The following SETDB2 variants were observed in gnomAD, a reference collection of about 807,000 sequenced individuals.
The protein encoded by SETDB2 is histone-lysine N-methyltransferase SETDB2.
SETDB2 carries 56 observed loss-of-function variants against 82.5 expected under a neutral mutation model. That is an observed-to-expected ratio of 0.68 (90% CI 0.55 to 0.85). The LOEUF (loss-of-function observed/expected upper bound fraction) is 0.85, where lower values mean the gene tolerates loss of function less well. Among genes scored for constraint, SETDB2 ranks in the 40% least tolerant of loss-of-function variants. SETDB2 has a pLI of 0.00. For missense variants in SETDB2, 677 were observed against 816.4 expected, an observed-to-expected ratio of 0.83 and a Z score of 2.08; for synonymous variants, 272 against 284.9, an observed-to-expected ratio of 0.95 and a Z score of 0.46.
In SETDB2 at chr13:49,485,953, T is replaced by A. The variant is rs192822869; in HGVS notation, c.1576+230T>A. 525 of 627,036 alleles carry A rather than the reference T, an allele frequency of 8.4e-4. 13 individuals carry two copies. The Admixed American group carries it at 0.014, about 17-fold the overall frequency. The allele number at this position is 627,036 out of a possible 1,614,324, so 38.8% of individuals were successfully genotyped here. On this transcript the variant is annotated intron_variant, in intron 11 of 13. Coordinates refer to ENST00000611815, the MANE Select transcript of SETDB2 (RefSeq NM_001160308.3). ...TAAGAATGATATTTATGTTTTTAAA[T>A]AGTTGAAAAAAATCAGAAGGTGATA...
chr13:49,449,927 TTGAA>T (rs1437399773), intron 1 of SETDB2, among the ~76,000 whole-genome samples: 1 of 152,226 alleles, frequency 6.6e-6, no homozygotes, highest in Non-Finnish European at 1.5e-5. Context: ...GAGTGACTCT[TTGAA>T]TGTCTGCAAA....
chr13:49,484,109 G>A (rs1371596074), intron 10 of SETDB2, among the ~76,000 whole-genome samples: 2 of 152,190 alleles, frequency 1.3e-5, no homozygotes, highest in African/African-American at 4.8e-5. Context: ...TTGGCTGTAT[G>A]AGGAGAATGC....
intron 4 of SETDB2, among the ~76,000 whole-genome samples, chr13:49,466,839 A>G (rs1453049181): frequency 2.5e-5 from 3 of 121,496 alleles, no homozygotes; most frequent in Non-Finnish European, 4.9e-5. Flanking sequence ...TTTCTGTCGT[A>G]GAGACAGGGC....
chr13:49,489,798 G>A (rs1425048316), intron 12 of SETDB2, among the ~76,000 whole-genome samples: 2 of 148,242 alleles, frequency 1.3e-5, no homozygotes, highest in Non-Finnish European at 3.0e-5. Flanking sequence ...ATTTCACCAT[G>A]TTGGTCAGGC....
At chr13:49,477,886 A>G (rs1309798873) in intron 6 of SETDB2, among the ~76,000 whole-genome samples, 1 of 152,240 alleles carries the variant, frequency 6.6e-6, no homozygotes, top group East Asian at 1.9e-4. Context: ...TCTTAATCAT[A>G]GAATAGTATT....
intron 12 of SETDB2, among the ~76,000 whole-genome samples, chr13:49,490,279 C>CAAAAA (rs60013535): frequency 0.056 from 4,647 of 82,536 alleles, 483 homozygotes; most frequent in Middle Eastern, 0.12. Context: ...GACTCCGTCT[C>CAAAAA]AAAAAAAAAA....
chr13:49,450,253 CCT>C (rs1391616935), intron 1 of SETDB2, among the ~76,000 whole-genome samples: 1 of 152,058 alleles, frequency 6.6e-6, no homozygotes, highest in African/African-American at 2.4e-5. Flanking sequence ...ATTATTGCCT[CCT>C]CTCCATTTTC....
rs920240443 is a variant in SETDB2, at chr13:49,485,576, C to T, written c.1483-54C>T. 2.1e-6 allele frequency: 3 copies of T among 1,432,104 alleles called. No individual in the cohort carries two copies. In the African/African-American group the frequency reaches 4.3e-5, roughly 20 times the overall value. The allele number at this position is 1,432,104 out of a possible 1,614,324, so 88.7% of individuals were successfully genotyped here. A position where few individuals can be genotyped will look rare whatever the true frequency, so the allele number is the denominator to read the frequency against. Reference sequence around the variant, plus strand: ...ACACTTGATGAAAGAGGCCTAACTGCTAAATACTTTTGCCTGACCTGGAAA... The same window carrying T: ...ACACTTGATGAAAGAGGCCTAACTGTTAAATACTTTTGCCTGACCTGGAAA... On this transcript the variant is annotated intron_variant, in intron 10 of 13. Transcript: ENST00000611815.
At chr13:49,459,530 T>A (rs114686232) in intron 2 of SETDB2, among the ~76,000 whole-genome samples, 2,456 of 152,322 alleles carry the variant, frequency 0.016, 66 homozygotes, top group African/African-American at 0.056. Flanking sequence ...TATAATTGTT[T>A]TTCTTATATT....
Position 49,444,653 on chromosome 13 carries a change from G to C in SETDB2, c.-546G>C, listed in dbSNP as rs1199599396. On this transcript the variant is annotated 5_prime_UTR_variant, in exon 1 of 14. Transcript: ENST00000611815. ...CAGCCTCCCTTCTCCTGGCACCCAA[G>C]TGCAGTCCTGGCTGCAGAAGGGGCC... The C allele has an allele frequency of 1.3e-5, 2 of 154,884 alleles. No individual in the cohort carries two copies. Among genetic ancestry groups the C allele is most frequent in the African/African-American group, 4.8e-5 (2 of 41,462 alleles). 9.6% of individuals were successfully genotyped at this position (154,884 alleles called of 1,614,324 possible). A position where few individuals can be genotyped will look rare whatever the true frequency, so the allele number is the denominator to read the frequency against.
chr13:49,491,245 C>A (rs1233450506), intron 13 of SETDB2, among the ~76,000 whole-genome samples: 1 of 152,046 alleles, frequency 6.6e-6, no homozygotes, highest in African/African-American at 2.4e-5. Context: ...ATACTATAGC[C>A]CCAAATATCT....
chr13:49,479,942 G>A (rs1189568922), intron 6 of SETDB2, among the ~76,000 whole-genome samples: 1 of 152,180 alleles, frequency 6.6e-6, no homozygotes, highest in Non-Finnish European at 1.5e-5. Flanking sequence ...GCTGAACAGG[G>A]AAATTAAAGG....
intron 7 of SETDB2, 68 bp downstream of exon 7, chr13:49,480,403 C>A: frequency 2.2e-6 from 2 of 900,494 alleles, no homozygotes; most frequent in Non-Finnish European, 3.4e-6. Context: ...TTATTGTGGT[C>A]CAAAATCTTA....
intron 4 of SETDB2, among the ~76,000 whole-genome samples, chr13:49,462,014 G>A (rs962385449): frequency 6.6e-6 from 1 of 152,284 alleles, no homozygotes; most frequent in Middle Eastern, 3.4e-3. Flanking sequence ...GGCAAAGTTG[G>A]GAAGGGCCTG....
Position 49,483,510 on chromosome 13 carries a change from A to G in SETDB2, c.1429A>G (p.Ile477Val), listed in dbSNP as rs1173997624. The change falls in exon 10 of 14, where the codon ATT becomes GTT. Residue 477 changes from isoleucine to valine, a missense_variant. Ile to Val is a conservative substitution (Grantham distance 29). Around this residue, in one of 3 missense-constraint regions of SETDB2, gnomAD observed 420 missense variants for 554.6 expected, o/e 0.76. Coordinates refer to ENST00000611815, the MANE Select transcript of SETDB2 (RefSeq NM_001160308.3). ...NISRIQYHSV[I>V]RDPESKTAIF... is the part of the protein sequence containing the mutation. The stretch of plus-strand genomic sequence containing the variant: ...TTCAAGAATTCAATATCATTCAGTT[A>G]TTAGAGATCCTGAATCCAAGACAGC... 4 of 1,495,812 alleles carry G rather than the reference A, an allele frequency of 2.7e-6. No individual in the cohort carries two copies. In the African/African-American group the frequency reaches 5.8e-5, roughly 22 times the overall value. The allele number at this position is 1,495,812 out of a possible 1,614,324, so 92.7% of individuals were successfully genotyped here.
Position 49,444,439 on chromosome 13 carries a change from C to G in SETDB2, c.-760C>G, listed in dbSNP as rs893811882. The G allele has an allele frequency of 5.5e-6, 1 of 183,432 alleles. No homozygotes were observed. Among genetic ancestry groups the G allele is most frequent in the Admixed American group, 5.4e-5 (1 of 18,358 alleles). 11.4% of individuals were successfully genotyped at this position (183,432 alleles called of 1,614,324 possible). ...AGCCCCACCCGCGGAGGAACCCAGCCTTGCCAACGGAGCTGGCGGAGCTCA... is the reference window on the plus strand; with the variant it reads ...AGCCCCACCCGCGGAGGAACCCAGCGTTGCCAACGGAGCTGGCGGAGCTCA... On this transcript the variant is annotated 5_prime_UTR_variant, in exon 1 of 14. Coordinates refer to ENST00000611815, the MANE Select transcript of SETDB2 (RefSeq NM_001160308.3).
chr13:49,467,845 A>G lies in SETDB2; in HGVS notation c.209-19A>G, dbSNP rs1029765063. ...TTTTAACTTGGTATATTTGTTGCTC[A>G]CATTATTTTTTTGTGTAGATCCTAT... On this transcript the variant is annotated intron_variant, in intron 4 of 13. Transcript: ENST00000611815. The G allele has an allele frequency of 1.3e-6, 2 of 1,574,976 alleles. No individual in the cohort carries two copies. The highest frequency in any genetic ancestry group is 1.7e-6 in the Non-Finnish European group (2 of 1,156,702).
intron 6 of SETDB2, 118 bp downstream of exon 6, chr13:49,477,157 T>C (rs973323695): frequency 3.2e-6 from 3 of 950,068 alleles, no homozygotes; most frequent in Non-Finnish European, 4.5e-6. Flanking sequence ...ACAGTAAGAC[T>C]GGGCGTGGTG....
At chr13:49,468,639 T>TTTGAGACGGAGTCTCG (rs1555271409) in intron 5 of SETDB2, among the ~76,000 whole-genome samples, 1 of 149,354 alleles carries the variant, frequency 6.7e-6, no homozygotes, top group South Asian at 2.1e-4. Flanking sequence ...ATTTGTTCTT[T>TTTGAGACGGAGTCTCG]CAGCTTAATA....
Sources: allele counts gnomAD v4.1 joint callset (sites outside exome capture counted in the v4.1 genomes callset), GRCh38; gene constraint gnomAD v4.1.1; regional missense constraint gnomAD v4.1.1; transcripts MANE v1.5; gene names NCBI Gene and HGNC (gene_info 2026-07-23, HGNC 2026-07-21).